Variants in HECW2 observed in about 807,000 individuals in gnomAD.
HECW2 encodes the protein E3 ubiquitin-protein ligase HECW2.
A neutral mutation model predicts 175.2 loss-of-function variants in HECW2; 61 were observed. The observed-to-expected ratio is 0.35, with a 90% CI of 0.28 to 0.43. HECW2 has a LOEUF of 0.43. HECW2 is among the 20% of genes least tolerant of loss of function. The pLI is 1.00. For missense variants in HECW2, 1,524 were observed against 2,000.5 expected, an observed-to-expected ratio of 0.76 and a Z score of 4.54; for synonymous variants, 671 against 731.0, an observed-to-expected ratio of 0.92 and a Z score of 1.32.
intron 1 of HECW2, among the ~76,000 whole-genome samples, chr2:196,458,453 C>A (rs1438639627): frequency 2.0e-5 from 3 of 151,802 alleles, no homozygotes; most frequent in African/African-American, 7.3e-5. Context: ...CACACACACA[C>A]ACACACATAC....
At chr2:196,582,509 C>T (rs1296157453) in intron 1 of HECW2, among the ~76,000 whole-genome samples, 3 of 152,230 alleles carry the variant, frequency 2.0e-5, no homozygotes, top group African/African-American at 7.2e-5. Context: ...ACCCTTTCTT[C>T]AAACACCACT....
chr2:196,343,469 A>G (rs1441773304), intron 3 of HECW2, among the ~76,000 whole-genome samples, 188 bp downstream of exon 3: 2 of 152,234 alleles, frequency 1.3e-5, no homozygotes, highest in Non-Finnish European at 2.9e-5. Context: ...TTAAACACAT[A>G]CAGTTTTTTC....
Position 196,316,869 on chromosome 2 carries a change from G to A in HECW2, c.2434+405C>T, listed in dbSNP as rs140240265. 3.1e-3 allele frequency: 502 copies of A among 159,430 alleles called. 4 individuals are homozygous for A. Among genetic ancestry groups the A allele is most frequent in the African/African-American group, 0.011 (479 of 41,854 alleles). The allele number at this position is 159,430 out of a possible 1,614,324, so 9.9% of individuals were successfully genotyped here. On this transcript the variant is annotated intron_variant, in intron 10 of 28. Coordinates refer to ENST00000644978, the MANE Select transcript of HECW2 (RefSeq NM_001348768.2). ...AACCTTGTGCTTAATGATTTTAAATGCTGTAAGTGAACAAAAAGGCAGTAT... is the reference window on the plus strand; with the variant it reads ...AACCTTGTGCTTAATGATTTTAAATACTGTAAGTGAACAAAAAGGCAGTAT...
chr2:196,341,392 G>A (rs1478716314), intron 3 of HECW2, among the ~76,000 whole-genome samples: 1 of 150,994 alleles, frequency 6.6e-6, no homozygotes, highest in Admixed American at 6.6e-5. Context: ...TTCAAAGGAG[G>A]AATCACACTG....
chr2:196,200,320 G>C lies in HECW2; in HGVS notation c.*957C>G, dbSNP rs1686814607. 1 of 152,418 alleles carries C rather than the reference G, an allele frequency of 6.6e-6. No individual in the cohort carries two copies. Among genetic ancestry groups the C allele is most frequent in the African/African-American group, 2.4e-5 (1 of 41,380 alleles). The allele number at this position is 152,418 out of a possible 1,614,324, so 9.4% of individuals were successfully genotyped here. ...TGGTACATTCAGTGCAAAATATTTG[G>C]GGAATTTTTTTTACCTTTATAAAAA... On this transcript the variant is annotated 3_prime_UTR_variant, in exon 29 of 29. Transcript: ENST00000644978.
intron 16 of HECW2, among the ~76,000 whole-genome samples, chr2:196,272,928 C>G (rs11893279): frequency 0.99 from 149,962 of 152,128 alleles, 73,952 homozygotes; most frequent in Middle Eastern, 1. Context: ...TTCAACCCTA[C>G]ATTTCTTCTT....
At chr2:196,367,232 C>T (rs534675675) in intron 2 of HECW2, among the ~76,000 whole-genome samples, 3 of 152,234 alleles carry the variant, frequency 2.0e-5, no homozygotes, top group Non-Finnish European at 4.4e-5. Context: ...TTAAATTTTA[C>T]GTGTCTTAGA....
chr2:196,382,030 A>G (rs1181997820), intron 2 of HECW2, among the ~76,000 whole-genome samples: 2 of 152,200 alleles, frequency 1.3e-5, no homozygotes, highest in East Asian at 1.9e-4. Flanking sequence ...GTGCACATAT[A>G]TAAGAATGGG....
Position 196,540,022 on chromosome 2 carries a change from G to C in HECW2, c.-36+53486C>G, listed in dbSNP as rs186164556. Among the ~76,000 whole-genome samples the C allele has an allele frequency of 5.3e-5, 8 of 152,274 alleles. No individual in the cohort carries two copies. The East Asian group carries it at 1.5e-3, about 29-fold the overall frequency. ...TGAGCAGTCACTTTGTTTTGACGTA[G>C]GTACAGCTGGAGCACTATGTATGTA... On this transcript the variant is annotated intron_variant, in intron 1 of 28. Transcript: ENST00000644978.
chr2:196,375,433 T>G (rs544131740), intron 2 of HECW2, among the ~76,000 whole-genome samples: 2 of 152,244 alleles, frequency 1.3e-5, no homozygotes, highest in African/African-American at 4.8e-5. Flanking sequence ...TGATCACAGA[T>G]ATTTCCAGTT....
intron 2 of HECW2, among the ~76,000 whole-genome samples, chr2:196,390,413 TC>T (rs1694470556): frequency 6.6e-6 from 1 of 152,132 alleles, no homozygotes; most frequent in Admixed American, 6.5e-5. Context: ...CTCCTTGTAC[TC>T]CCCCAAATGA....
intron 28 of HECW2, among the ~76,000 whole-genome samples, chr2:196,203,050 T>G (rs1444501157): frequency 6.6e-6 from 1 of 152,168 alleles, no homozygotes; most frequent in African/African-American, 2.4e-5. Context: ...GTTGTGAAAT[T>G]TTCTACTTGT....
chr2:196,570,337 T>G (rs1690340506), intron 1 of HECW2, among the ~76,000 whole-genome samples: 1 of 152,252 alleles, frequency 6.6e-6, no homozygotes, highest in Non-Finnish European at 1.5e-5. Flanking sequence ...AGCTACCTTC[T>G]GAATTCACAA....
At chr2:196,309,969 C>CT (rs1163907652) in intron 10 of HECW2, among the ~76,000 whole-genome samples, 2 of 152,106 alleles carry the variant, frequency 1.3e-5, no homozygotes, top group African/African-American at 4.8e-5. Flanking sequence ...TTTCCTGGAA[C>CT]TAACAAAGTA....
chr2:196,541,178 C>A (rs1032203299), intron 1 of HECW2, among the ~76,000 whole-genome samples: 3 of 152,152 alleles, frequency 2.0e-5, no homozygotes, highest in Admixed American at 6.5e-5. Context: ...CTGTACCTAT[C>A]AGCTGGGTTG....
At chr2:196,396,196 T>A (rs889765290) in intron 2 of HECW2, among the ~76,000 whole-genome samples, 1 of 152,124 alleles carries the variant, frequency 6.6e-6, no homozygotes, top group East Asian at 1.9e-4. Flanking sequence ...AGTAGAATGA[T>A]GGTTGCCAGG....
chr2:196,283,820 A>T (rs1001854209), intron 14 of HECW2, among the ~76,000 whole-genome samples: 1 of 152,182 alleles, frequency 6.6e-6, no homozygotes, highest in Non-Finnish European at 1.5e-5. Flanking sequence ...AACCACCATT[A>T]TATGTAGGGA....
At chr2:196,271,873 T>A (rs1689753255) in intron 16 of HECW2, among the ~76,000 whole-genome samples, 1 of 152,240 alleles carries the variant, frequency 6.6e-6, no homozygotes, top group African/African-American at 2.4e-5. Flanking sequence ...CCAATTTGTA[T>A]CTAACCTTTT....
rs373067310 is a variant in HECW2, at chr2:196,240,432, T to G, written c.3764+17A>C. 6.4e-7 allele frequency: 1 copy of G among 1,562,770 alleles called. No homozygotes were observed. The highest frequency in any genetic ancestry group is 1.2e-5 in the South Asian group (1 of 85,792). ...CCACAGCCTATGTTCCACAGGCCACTTCTCTGTTCTACTCACCCTTCCTCC... is the reference window on the plus strand; with the variant it reads ...CCACAGCCTATGTTCCACAGGCCACGTCTCTGTTCTACTCACCCTTCCTCC... On this transcript the variant is annotated intron_variant, in intron 21 of 28. Coordinates refer to ENST00000644978, the MANE Select transcript of HECW2 (RefSeq NM_001348768.2).
Sources: gnomAD v4.1 joint callset for allele counts (sites outside exome capture counted in the v4.1 genomes callset) on GRCh38, gnomAD v4.1.1 for gene constraint, MANE v1.5 for transcripts, NCBI Gene and HGNC (gene_info 2026-07-23, HGNC 2026-07-21) for gene names.